Variants in RAPGEF4 observed in about 807,000 individuals in gnomAD.
RAPGEF4 encodes the protein Rap guanine nucleotide exchange factor 4.
A neutral mutation model predicts 147.9 loss-of-function variants in RAPGEF4; 66 were observed. The observed-to-expected ratio is 0.45, with a 90% CI of 0.37 to 0.55. The LOEUF is 0.55. RAPGEF4 is among the 20% of genes least tolerant of loss of function. RAPGEF4 has a pLI of 0.00. For synonymous variants in RAPGEF4, 419 were observed against 442.7 expected (o/e 0.95, Z 0.67); for missense variants, 1,071 against 1,257.3 (o/e 0.85, Z 2.24).
chr2:173,020,747 T>A, intron 23 of RAPGEF4, 32 bp downstream of exon 23: 1 of 1,553,400 alleles, frequency 6.4e-7, no homozygotes, highest in South Asian at 1.2e-5. Context: ...AGAGCAGCAT[T>A]GCAATCAGAA....
At chr2:173,047,708 A>G (rs1314484218) in intron 29 of RAPGEF4, among the ~76,000 whole-genome samples, 5 of 147,828 alleles carry the variant, frequency 3.4e-5, no homozygotes, top group Non-Finnish European at 5.9e-5. Flanking sequence ...ACGGAGTCTC[A>G]CTCTGTCGCC....
chr2:173,017,631 T>A, intron 21 of RAPGEF4, 127 bp downstream of exon 21: 1 of 862,828 alleles, frequency 1.2e-6, no homozygotes, highest in Non-Finnish European at 1.8e-6. Flanking sequence ...GATGGTTTGC[T>A]TGGAGGTGCC....
chr2:172,995,731 T>A (rs944603355), intron 15 of RAPGEF4, among the ~76,000 whole-genome samples: 1 of 152,330 alleles, frequency 6.6e-6, no homozygotes, highest in African/African-American at 2.4e-5. Context: ...TTTGAAACAG[T>A]TCACATGCAA....
intron 5 of RAPGEF4, among the ~76,000 whole-genome samples, chr2:172,919,483 C>T (rs1157018819): frequency 6.6e-6 from 1 of 151,936 alleles, no homozygotes; most frequent in Non-Finnish European, 1.5e-5. Flanking sequence ...TCCTGGCTTC[C>T]TCCTCTCTCT....
rs186532404 is a variant in RAPGEF4, at chr2:172,746,825, C to T, written c.65+10777C>T. Among the ~76,000 whole-genome samples, 493 of 152,222 alleles carry T rather than the reference C, an allele frequency of 3.2e-3. 5 individuals carry two copies. Among genetic ancestry groups the T allele is most frequent in the African/African-American group, 0.011 (475 of 41,520 alleles). On this transcript the variant is annotated intron_variant, in intron 1 of 30. Transcript: ENST00000397081. ...ACAGGGTTTCACCATGTTGGCCAGG[C>T]TGATCTTGAACTCCTGACCTCAGGT...
chr2:172,817,151 G>T (rs1453169048), intron 4 of RAPGEF4, among the ~76,000 whole-genome samples: 1 of 152,146 alleles, frequency 6.6e-6, no homozygotes, highest in Non-Finnish European at 1.5e-5. Flanking sequence ...GTATATGTAT[G>T]TATGTGGATA....
intron 4 of RAPGEF4, among the ~76,000 whole-genome samples, chr2:172,874,510 G>A (rs954951696): frequency 1.3e-5 from 2 of 151,748 alleles, no homozygotes; most frequent in African/African-American, 4.8e-5. Context: ...TTGGTTTTTT[G>A]TCCTTGCGAC....
intron 17 of RAPGEF4, among the ~76,000 whole-genome samples, chr2:173,006,807 C>T (rs896807882): frequency 6.6e-6 from 1 of 152,114 alleles, no homozygotes; most frequent in East Asian, 1.9e-4. Context: ...TTTTAGATTT[C>T]TAAGAAAAAC....
chr2:172,837,130 T>G (rs1039813197), intron 4 of RAPGEF4, among the ~76,000 whole-genome samples: 11 of 152,122 alleles, frequency 7.2e-5, no homozygotes, highest in South Asian at 2.1e-4. Context: ...CCATGTTGGG[T>G]GTGTGTGTGT....
Position 173,036,149 on chromosome 2 carries a change from T to C in RAPGEF4, c.2725T>C (p.Tyr909His). The change falls in exon 28 of 31, where the codon TAC (tyrosine) becomes CAC (histidine). Residue 909 changes from tyrosine to histidine, a missense_variant. By Grantham distance (83) the Tyr-to-His change is moderately conservative. Coordinates refer to ENST00000397081, the MANE Select transcript of RAPGEF4 (RefSeq NM_007023.4). Reference sequence around the variant, plus strand: ...GGACCCTTCAAGGAACCACAGGGCCTACAGGCTGACAGTAGCTAAGCTGGA... The same window carrying C: ...GGACCCTTCAAGGAACCACAGGGCCCACAGGCTGACAGTAGCTAAGCTGGA... Reference protein sequence around the residue: ...LMDPSRNHRAYRLTVAKLEPP... With the variant: ...LMDPSRNHRAHRLTVAKLEPP... The C allele has an allele frequency of 6.2e-7, 1 of 1,612,686 alleles. No homozygotes were observed. The highest frequency in any genetic ancestry group is 8.5e-7 in the Non-Finnish European group (1 of 1,178,944).
Position 173,052,020 on chromosome 2 carries a change from T to C in RAPGEF4, c.*253T>C, listed in dbSNP as rs1038850511. The C allele has an allele frequency of 6.5e-6, 2 of 307,838 alleles. No individual in the cohort carries two copies. Among genetic ancestry groups the C allele is most frequent in the Admixed American group, 9.2e-5 (2 of 21,750 alleles). 19.1% of individuals were successfully genotyped at this position (307,838 alleles called of 1,614,324 possible). On this transcript the variant is annotated 3_prime_UTR_variant, in exon 31 of 31. Coordinates refer to ENST00000397081, the MANE Select transcript of RAPGEF4 (RefSeq NM_007023.4). ...GGCTACCCTGTTTCATTTCCACTTG[T>C]GCCATCTTCTTTGCTGAAGTGTTGA...
chr2:173,000,509 G>A (rs1026890425), intron 16 of RAPGEF4, among the ~76,000 whole-genome samples: 2 of 152,198 alleles, frequency 1.3e-5, no homozygotes, highest in African/African-American at 2.4e-5. Flanking sequence ...CATCTGGCTA[G>A]CCAGGGCATG....
intron 1 of RAPGEF4, among the ~76,000 whole-genome samples, chr2:172,744,895 T>A: frequency 6.6e-6 from 1 of 152,292 alleles, no homozygotes; most frequent in East Asian, 1.9e-4. Flanking sequence ...GTAAATATAG[T>A]GAATTTACAT....
intron 26 of RAPGEF4, among the ~76,000 whole-genome samples, chr2:173,031,268 C>T (rs1314786108): frequency 6.6e-6 from 1 of 152,188 alleles, no homozygotes; most frequent in Non-Finnish European, 1.5e-5. Context: ...CACACAGCAG[C>T]TCATCCCCTG....
intron 4 of RAPGEF4, among the ~76,000 whole-genome samples, chr2:172,839,249 A>G (rs1036409709): frequency 3.9e-5 from 6 of 152,096 alleles, no homozygotes; most frequent in South Asian, 2.1e-4. Flanking sequence ...ATCTCACACA[A>G]GAAAGAATTC....
intron 4 of RAPGEF4, among the ~76,000 whole-genome samples, chr2:172,908,131 T>C (rs1191905219): frequency 1.3e-5 from 2 of 152,192 alleles, no homozygotes; most frequent in African/African-American, 2.4e-5. Flanking sequence ...ATGCCTGGGG[T>C]CTATACCCTT....
chr2:172,927,729 A>G (rs1170622380), intron 6 of RAPGEF4, among the ~76,000 whole-genome samples: 2 of 152,178 alleles, frequency 1.3e-5, no homozygotes, highest in African/African-American at 4.8e-5. Flanking sequence ...CTGAATTCAA[A>G]CTGTTTTCTG....
At chr2:172,990,660 C>A in intron 14 of RAPGEF4, 150 bp from the exon 15 acceptor site, 1 of 617,900 alleles carries the variant, frequency 1.6e-6, no homozygotes, top group Non-Finnish European at 2.9e-6. Flanking sequence ...CTCTCTCTGA[C>A]CGTTCCAGCC....
At chr2:173,048,510 A>G in intron 29 of RAPGEF4, 90 bp from the exon 30 acceptor site, 1 of 1,569,468 alleles carries the variant, frequency 6.4e-7, no homozygotes, top group Non-Finnish European at 8.6e-7. Context: ...TCATGGTACC[A>G]AGTATTGCAG....
Sources: allele counts gnomAD v4.1 joint callset (sites outside exome capture counted in the v4.1 genomes callset), GRCh38; gene constraint gnomAD v4.1.1; transcripts MANE v1.5; gene names NCBI Gene and HGNC (gene_info 2026-07-23, HGNC 2026-07-21).